The following NAV2 variants were observed in gnomAD, a reference collection of about 807,000 sequenced individuals.
NAV2 encodes the protein neuron navigator 2, also known as helicase, APC down-regulated 1.
A neutral mutation model predicts 223.2 loss-of-function variants in NAV2; 54 were observed. That is an observed-to-expected ratio of 0.24 (90% CI 0.19 to 0.30). NAV2 has a LOEUF of 0.30. Among genes scored for constraint, NAV2 ranks in the 10% least tolerant of loss-of-function variants. NAV2 has a pLI of 1.00. For missense variants in NAV2, 2,806 were observed against 3,147.5 expected (o/e 0.89, Z 2.60); for synonymous variants, 1,279 against 1,239.3 (o/e 1.03, Z -0.67).
intron 8 of NAV2, among the ~76,000 whole-genome samples, chr11:19,944,527 C>T (rs989527717): frequency 8.8e-5 from 13 of 147,210 alleles, no homozygotes; most frequent in African/African-American, 1.8e-4. Flanking sequence ...TTTCCTTTCC[C>T]TTCCTTTCCA....
intron 1 of NAV2, among the ~76,000 whole-genome samples, chr11:19,527,504 A>G (rs1223614915): frequency 6.6e-6 from 1 of 151,836 alleles, no homozygotes; most frequent in South Asian, 2.1e-4. Context: ...TAACTTTCCC[A>G]AGTCTGTATC....
At chr11:20,075,721 C>T (rs1683369759) in intron 22 of NAV2, among the ~76,000 whole-genome samples, 1 of 152,096 alleles carries the variant, frequency 6.6e-6, no homozygotes, top group African/African-American at 2.4e-5. Flanking sequence ...TCACATCTCT[C>T]CTTAGATTGA....
At chr11:19,536,425 G>A (rs559513190) in intron 1 of NAV2, among the ~76,000 whole-genome samples, 1 of 152,250 alleles carries the variant, frequency 6.6e-6, no homozygotes, top group East Asian at 1.9e-4. Context: ...ACTGATTGTG[G>A]TCCAGGGACC....
At chr11:19,770,645 G>T (rs1395241500) in intron 1 of NAV2, among the ~76,000 whole-genome samples, 5 of 152,142 alleles carry the variant, frequency 3.3e-5, no homozygotes, top group Admixed American at 3.3e-4. Flanking sequence ...GGACCAGTTT[G>T]TCTGCTTGAA....
intron 1 of NAV2, among the ~76,000 whole-genome samples, chr11:19,395,101 G>T (rs1012400408): frequency 8.5e-5 from 13 of 152,220 alleles, no homozygotes; most frequent in African/African-American, 2.9e-4. Flanking sequence ...TTCTGGTGCT[G>T]TGCTTTGGGA....
chr11:20,096,203 A>G (rs1341640055), intron 30 of NAV2, among the ~76,000 whole-genome samples: 1 of 152,192 alleles, frequency 6.6e-6, no homozygotes, highest in Non-Finnish European at 1.5e-5. Context: ...CCAACACTTC[A>G]GAGTCTTTGA....
rs1201940130 is a variant in NAV2, at chr11:20,106,175, A to ATGTGTGTGTGTGTGTG, written c.6841+457_6841+458insGTGTGTGTGTGTGTGT. Among the ~76,000 whole-genome samples the ATGTGTGTGTGTGTGTG allele has an allele frequency of 6.4e-4, 23 of 35,828 alleles. 3 individuals carry two copies. Among genetic ancestry groups the ATGTGTGTGTGTGTGTG allele is most frequent in the South Asian group, 3.7e-3 (3 of 816 alleles). 23.5% of individuals were successfully genotyped at this position (35,828 alleles called of 152,430 possible). ...TGTGTGTATATATATATATATATAT[A>ATGTGTGTGTGTGTGTG]TGTGTGTGTATATATATATATATAT... On this transcript the variant is annotated intron_variant, in intron 35 of 37. Coordinates refer to ENST00000349880, the MANE Select transcript of NAV2 (RefSeq NM_145117.5).
At chr11:19,914,628 T>TCCG (rs1249036581) in intron 6 of NAV2, among the ~76,000 whole-genome samples, 3 of 150,982 alleles carry the variant, frequency 2.0e-5, no homozygotes, top group African/African-American at 7.3e-5. Flanking sequence ...CACTGCAAGC[T>TCCG]CCGCTTCCCG....
At chr11:19,810,137 A>G (rs765464674) in intron 1 of NAV2, among the ~76,000 whole-genome samples, 10 of 152,182 alleles carry the variant, frequency 6.6e-5, no homozygotes, top group Non-Finnish European at 1.3e-4. Context: ...TCTTTGTGGC[A>G]GTATCAATTA....
chr11:20,049,390 G>C lies in NAV2; in HGVS notation c.4370+195G>C, dbSNP rs539377000. 6.4e-5 allele frequency: 37 copies of C among 574,348 alleles called. 1 individual carries two copies. The South Asian group carries it at 8.5e-4, about 13-fold the overall frequency. 35.6% of individuals were successfully genotyped at this position (574,348 alleles called of 1,614,324 possible). A position where few individuals can be genotyped will look rare whatever the true frequency, so the allele number is the denominator to read the frequency against. On this transcript the variant is annotated intron_variant, in intron 15 of 37. Coordinates refer to ENST00000349880, the MANE Select transcript of NAV2 (RefSeq NM_145117.5). ...TCTGCTCCCTGTTATCTTTTCCTCT[G>C]TGGTTATTTTTGGTGCTTGGAGCTG...
At chr11:19,579,890 G>A (rs762348122) in intron 1 of NAV2, among the ~76,000 whole-genome samples, 1 of 152,166 alleles carries the variant, frequency 6.6e-6, no homozygotes, top group Non-Finnish European at 1.5e-5. Flanking sequence ...TCACTTAAGT[G>A]GAAAGTACTA....
intron 3 of NAV2, among the ~76,000 whole-genome samples, chr11:19,867,377 T>G (rs2062162847): frequency 6.6e-6 from 1 of 152,230 alleles, no homozygotes; most frequent in African/African-American, 2.4e-5. Context: ...TGTGTAATCT[T>G]GGTCAGAAAT....
chr11:19,799,727 C>A (rs1283276834), intron 1 of NAV2, among the ~76,000 whole-genome samples: 2 of 152,134 alleles, frequency 1.3e-5, no homozygotes, highest in Admixed American at 1.3e-4. Context: ...GGAATAGAGT[C>A]CCAAGTGCAG....
intron 1 of NAV2, among the ~76,000 whole-genome samples, chr11:19,374,376 G>A (rs1035602050): frequency 7.0e-6 from 1 of 142,524 alleles, no homozygotes; most frequent in African/African-American, 2.7e-5. Flanking sequence ...TGTCCTCACT[G>A]AAGGATGATT....
intron 11 of NAV2, among the ~76,000 whole-genome samples, chr11:20,010,232 C>CT (rs1227793455): frequency 6.6e-6 from 1 of 152,076 alleles, no homozygotes; most frequent in Non-Finnish European, 1.5e-5. Flanking sequence ...GTGAAGATGT[C>CT]TTTTTTCTTG....
the NAV2 span, among the ~76,000 whole-genome samples, chr11:19,345,484 A>G: frequency 0.015 from 2,264 of 152,108 alleles, 68 homozygotes; most frequent in African/African-American, 0.052. This position sits in a 1 kb window ranked among gnomAD's most constrained non-coding sequence, Gnocchi z 5.2. Context: ...CGTTGGGGAG[A>G]GGGCCGGCCC....
chr11:19,942,154 G>A (rs1325762631), intron 8 of NAV2, among the ~76,000 whole-genome samples: 1 of 152,230 alleles, frequency 6.6e-6, no homozygotes, highest in Non-Finnish European at 1.5e-5. Flanking sequence ...TTCCACTGGA[G>A]CTCGATTGTG....
At chr11:19,792,921 AAAAG>A (rs975275062) in intron 1 of NAV2, among the ~76,000 whole-genome samples, 3 of 151,880 alleles carry the variant, frequency 2.0e-5, no homozygotes, top group Non-Finnish European at 4.4e-5. Flanking sequence ...TTAAAAAAAA[AAAAG>A]AGGCTGGATG....
intron 1 of NAV2, among the ~76,000 whole-genome samples, chr11:19,805,475 G>A (rs962008197): frequency 1.3e-5 from 2 of 152,088 alleles, no homozygotes; most frequent in African/African-American, 4.8e-5. Flanking sequence ...CTATAAATAA[G>A]GCTGTTGCTT....
Sources: gnomAD v4.1 joint callset for allele counts (sites outside exome capture counted in the v4.1 genomes callset) on GRCh38, gnomAD v4.1.1 for gene constraint, Gnocchi (gnomAD v3.1) non-coding constraint, MANE v1.5 for transcripts, NCBI Gene and HGNC (gene_info 2026-07-23, HGNC 2026-07-21) for gene names.